Variants in SCN10A observed in about 807,000 individuals in gnomAD.
The protein encoded by SCN10A is sodium voltage-gated channel alpha subunit 10.
In SCN10A, 162 loss-of-function variants were observed where a neutral mutation model predicts 170.7. The ratio of observed to expected loss-of-function variants is 0.95; its 90% confidence interval spans 0.84 to 1.08. SCN10A has a LOEUF of 1.08. SCN10A is among the 50% of genes least tolerant of loss of function. The probability of loss-of-function intolerance (pLI) is 0.00; values close to 1 mark genes in which losing one functional copy is unlikely to be tolerated. For missense variants in SCN10A, 2,527 were observed against 2,436.9 expected (o/e 1.04, Z -0.78); for synonymous variants, 985 against 904.6 (o/e 1.09, Z -1.59).
At chr3:38,749,047 C>A (rs2063721751) in intron 13 of SCN10A, among the ~76,000 whole-genome samples, 1 of 152,254 alleles carries the variant, frequency 6.6e-6, no homozygotes. Context: ...TGGTAAATTA[C>A]TGGCTAGTTC....
At chr3:38,773,715 CAATGT>C (rs1161829181) in intron 4 of SCN10A, among the ~76,000 whole-genome samples, 1 of 152,046 alleles carries the variant, frequency 6.6e-6, no homozygotes, top group Non-Finnish European at 1.5e-5. Flanking sequence ...GTTTACTTAG[CAATGT>C]AATGTAATTA....
chr3:38,777,341 T>C (rs974184850), intron 4 of SCN10A, among the ~76,000 whole-genome samples: 6 of 151,988 alleles, frequency 3.9e-5, no homozygotes, highest in Admixed American at 3.3e-4. Context: ...ATATAGAAAT[T>C]AATAATATTA....
chr3:38,732,711 C>G (rs1484744607), intron 15 of SCN10A, among the ~76,000 whole-genome samples: 1 of 152,194 alleles, frequency 6.6e-6, no homozygotes, highest in South Asian at 2.1e-4. Flanking sequence ...AGGCAGAGCA[C>G]GAGCCTCATG....
intron 21 of SCN10A, among the ~76,000 whole-genome samples, chr3:38,714,442 G>C (rs1193930450): frequency 1.3e-5 from 2 of 152,176 alleles, no homozygotes; most frequent in African/African-American, 4.8e-5. Flanking sequence ...GAGACTTGGA[G>C]ACATGATGTT....
At chr3:38,749,297 G>C (rs527567934) in intron 13 of SCN10A, among the ~76,000 whole-genome samples, 2 of 152,308 alleles carry the variant, frequency 1.3e-5, no homozygotes, top group South Asian at 2.1e-4. Context: ...CTCCAGCCTA[G>C]GTCAGTTTAA....
At chr3:38,705,920 C>T (rs1185709103) in intron 26 of SCN10A, among the ~76,000 whole-genome samples, 1 of 152,136 alleles carries the variant, frequency 6.6e-6, no homozygotes, top group Non-Finnish European at 1.5e-5. Flanking sequence ...AGCCTTTCAC[C>T]TAATTTTAAT....
chr3:38,757,289 G>T, intron 8 of SCN10A, 130 bp from the exon 9 acceptor site: 1 of 870,246 alleles, frequency 1.1e-6, no homozygotes, highest in South Asian at 2.0e-5. Context: ...TTAGCAGGAT[G>T]ATCTTGGACA....
rs1023595230 is a variant in SCN10A at position 38,806,121 on chromosome 3, G to A, written c.-33+9916C>T. Among the ~76,000 whole-genome samples the A allele has an allele frequency of 1.2e-4, 18 of 152,290 alleles. 1 individual carries two copies. The highest frequency in any genetic ancestry group is 6.8e-3 in the Middle Eastern group (2 of 294). ...CTGAATGAGAGTGTCAGGCTGAAAT[G>A]CTGAGAATAGGTGCATTTATATTGG... On this transcript the variant is annotated intron_variant, in intron 1 of 27. Coordinates refer to ENST00000449082, the MANE Select transcript of SCN10A (RefSeq NM_006514.4).
intron 13 of SCN10A, among the ~76,000 whole-genome samples, chr3:38,746,059 A>ATATATATATGTG (rs2063682884): frequency 3.0e-5 from 2 of 65,870 alleles, no homozygotes; most frequent in Non-Finnish European, 2.8e-5. Flanking sequence ...ATGTGTGTGT[A>ATATATATATGTG]TGTGTATATA....
Position 38,751,249 on chromosome 3 carries a change from T to C in SCN10A, c.1755+970A>G, listed in dbSNP as rs1190725506. On this transcript the variant is annotated intron_variant, in intron 12 of 27. Transcript: ENST00000449082. The stretch of plus-strand genomic sequence containing the variant: ...CATGAGGGCAGCTGCTGCTGTAGTC[T>C]AATTCTGGTCCTTTCCTTCATCCCT... Among the ~76,000 whole-genome samples the C allele has an allele frequency of 4.6e-5, 7 of 152,226 alleles. 1 individual carries two copies. The highest frequency in any genetic ancestry group is 1.0e-4 in the Non-Finnish European group (7 of 68,040).
Position 38,725,312 on chromosome 3 carries a change from C to T in SCN10A, c.3090G>A (p.Gln1030=). 1 of 1,577,004 alleles carries T rather than the reference C, an allele frequency of 6.3e-7. No homozygotes were observed. The highest frequency in any genetic ancestry group is 8.7e-7 in the Non-Finnish European group (1 of 1,151,580). ...FQQEVIPKGQ[Q]EQLQQVERCG... is the part of the protein sequence containing the mutation. ...ACCTCTCGACTTGCTGCAGCTGCTC[C>T]TGCTAGTGAGAGAGGGTCCCAACTG... Residue 1030 remains glutamine, a splice_region_variant and synonymous_variant, in exon 18 of 28, where the codon CAG becomes CAA. Coordinates refer to ENST00000449082, the MANE Select transcript of SCN10A (RefSeq NM_006514.4).
chr3:38,782,268 A>G (rs1014544175), intron 4 of SCN10A, among the ~76,000 whole-genome samples: 2 of 152,028 alleles, frequency 1.3e-5, no homozygotes, highest in African/African-American at 4.8e-5. Context: ...TGCTATTTGT[A>G]TCATGTCAAC....
intron 13 of SCN10A, among the ~76,000 whole-genome samples, chr3:38,746,057 GTA>G (rs1158994576): frequency 3.0e-5 from 2 of 67,470 alleles, no homozygotes; most frequent in African/African-American, 1.1e-4. Context: ...ATATGTGTGT[GTA>G]TGTGTATATA....
chr3:38,788,581 T>C (rs932696316), intron 4 of SCN10A, among the ~76,000 whole-genome samples: 15 of 150,868 alleles, frequency 9.9e-5, no homozygotes, highest in South Asian at 4.2e-4. Flanking sequence ...AGGCATACAT[T>C]TGTGTGTGCA....
At chr3:38,809,426 G>T (rs748238379) in intron 1 of SCN10A, among the ~76,000 whole-genome samples, 2 of 152,204 alleles carry the variant, frequency 1.3e-5, no homozygotes, top group African/African-American at 4.8e-5. Flanking sequence ...AAGTGCCAGC[G>T]GAGCTGCAGG....
intron 27 of SCN10A, among the ~76,000 whole-genome samples, chr3:38,699,888 T>C (rs1275831079): frequency 1.3e-5 from 2 of 152,144 alleles, no homozygotes; most frequent in African/African-American, 4.8e-5. Context: ...GAAAGATTGA[T>C]ATGTGGGTTT....
chr3:38,723,642 T>C, intron 18 of SCN10A, 89 bp from the exon 19 acceptor site: 1 of 1,433,330 alleles, frequency 7.0e-7, no homozygotes. Flanking sequence ...ACTGCACCCA[T>C]GTTTGGTGCC....
chr3:38,716,433 T>C (rs1406281331), intron 21 of SCN10A, among the ~76,000 whole-genome samples: 1 of 152,124 alleles, frequency 6.6e-6, no homozygotes, highest in Non-Finnish European at 1.5e-5. Flanking sequence ...GCCCAACCTC[T>C]CTCTTTGCCT....
rs111393144 is a variant in SCN10A, at chr3:38,790,900, T to C, written c.389+1150A>G. 3.3e-3 allele frequency among the ~76,000 whole-genome samples: 501 copies of C among 152,200 alleles called. 5 individuals are homozygous for C. The highest frequency in any genetic ancestry group is 7.3e-3 in the Admixed American group (112 of 15,280). The stretch of plus-strand genomic sequence containing the variant: ...AATATCCTTCTGTAGAATCTGAAAA[T>C]TCAAGATTCAGCTCAGAAAACGTAA... On this transcript the variant is annotated intron_variant, in intron 3 of 27. Transcript: ENST00000449082.
Sources: allele counts gnomAD v4.1 joint callset (sites outside exome capture counted in the v4.1 genomes callset), GRCh38; gene constraint gnomAD v4.1.1; transcripts MANE v1.5; gene names NCBI Gene and HGNC (gene_info 2026-07-23, HGNC 2026-07-21).